Variants in ALDH9A1 observed in about 807,000 individuals in gnomAD.
ALDH9A1 encodes aldehyde dehydrogenase 9 family member A1, also known as 4-trimethylaminobutyraldehyde dehydrogenase.
Under a neutral mutation model 56.6 loss-of-function variants are expected in ALDH9A1, and 42 were observed. That is an observed-to-expected ratio of 0.74 (90% CI 0.58 to 0.96). The LOEUF is 0.96. Among genes scored for constraint, ALDH9A1 ranks in the 40% least tolerant of loss-of-function variants. The pLI is 0.00. For missense variants in ALDH9A1, 661 were observed against 651.5 expected, an observed-to-expected ratio of 1.01 and a Z score of -0.16; for synonymous variants, 242 against 236.0, an observed-to-expected ratio of 1.03 and a Z score of -0.23.
At chr1:165,683,562 T>G (rs1046238099) in intron 2 of ALDH9A1, among the ~76,000 whole-genome samples, 7 of 152,208 alleles carry the variant, frequency 4.6e-5, no homozygotes, top group African/African-American at 1.4e-4. Flanking sequence ...ATATGTATGT[T>G]TGCTCATATA....
intron 2 of ALDH9A1, among the ~76,000 whole-genome samples, chr1:165,690,990 T>C (rs1649870249): frequency 6.6e-6 from 1 of 152,202 alleles, no homozygotes; most frequent in Admixed American, 6.5e-5. Flanking sequence ...CGTCCCTGTC[T>C]GACAGCTTTG....
In ALDH9A1 at chr1:165,687,986, C is replaced by CA. The variant is rs916167778; in HGVS notation, c.328-4877dup. ...CTGGGTGAGAGAGAGAGACTCCTCT[C>CA]AAAAAAAAAAGAGAAAGAAAAGAAA... On this transcript the variant is annotated intron_variant, in intron 2 of 10. Transcript: ENST00000354775. Among the ~76,000 whole-genome samples, 33 of 136,926 alleles carry CA rather than the reference C, an allele frequency of 2.4e-4. No homozygotes were observed. The South Asian group carries it at 2.9e-3, about 12-fold the overall frequency. 89.8% of individuals were successfully genotyped at this position (136,926 alleles called of 152,430 possible).
intron 6 of ALDH9A1, among the ~76,000 whole-genome samples, chr1:165,670,362 G>A (rs376755798): frequency 1.3e-5 from 2 of 151,978 alleles, no homozygotes; most frequent in Admixed American, 6.6e-5. Flanking sequence ...GAGCCTAAGA[G>A]GTCAAGGATA....
At chr1:165,678,030 G>A (rs968250079) in intron 6 of ALDH9A1, among the ~76,000 whole-genome samples, 9 of 151,494 alleles carry the variant, frequency 5.9e-5, no homozygotes, top group Non-Finnish European at 8.8e-5. Context: ...GTGAGACTCC[G>A]TCTCAATAAA....
intron 2 of ALDH9A1, among the ~76,000 whole-genome samples, chr1:165,686,448 T>C (rs569420738): frequency 6.6e-6 from 1 of 151,402 alleles, no homozygotes; most frequent in East Asian, 2.0e-4. Context: ...GATTCCCCTT[T>C]GAGTACCAGT....
At chr1:165,681,717 G>A (rs3845537) in intron 4 of ALDH9A1, among the ~76,000 whole-genome samples, 102,645 of 152,056 alleles carry the variant, frequency 0.68, 35,048 homozygotes, top group East Asian at 0.98. Flanking sequence ...AATGAAGAAA[G>A]GAGTTTATCT....
At chr1:165,670,303 C>T (rs1239452675) in intron 6 of ALDH9A1, among the ~76,000 whole-genome samples, 3 of 152,004 alleles carry the variant, frequency 2.0e-5, no homozygotes, top group Non-Finnish European at 2.9e-5. Context: ...TGTGGTGACA[C>T]GCACCTGTAG....
At chr1:165,690,004 A>G (rs899387577) in intron 2 of ALDH9A1, among the ~76,000 whole-genome samples, 1 of 138,962 alleles carries the variant, frequency 7.2e-6, no homozygotes, top group African/African-American at 2.7e-5. Flanking sequence ...ATTTTGCTGT[A>G]ATAAACCATC....
chr1:165,687,363 A>G (rs10918242), intron 2 of ALDH9A1, among the ~76,000 whole-genome samples: 56,547 of 151,684 alleles, frequency 0.37, 10,712 homozygotes, highest in East Asian at 0.59. Context: ...AGATCCAAGA[A>G]GATCAATAAA....
chr1:165,666,087 T>C (rs920052915), intron 9 of ALDH9A1, among the ~76,000 whole-genome samples: 1 of 152,166 alleles, frequency 6.6e-6, no homozygotes, highest in South Asian at 2.1e-4. Flanking sequence ...AAAGTACTGA[T>C]AAATGCCACA....
At position 165,667,373 on chromosome 1, in the gene ALDH9A1, C is replaced by T. The variant is rs751954104; in HGVS notation, c.1285G>A (p.Glu429Lys). ...TTGGCTCTTTCTAGAACCTCAGCTT[C>T]AGTGTCAAATGATAAAATGGACATA... Reference protein sequence around the residue: ...PVMSILSFDTEAEVLERANDT... With the variant: ...PVMSILSFDTKAEVLERANDT... Residue 429 changes from glutamate to lysine, a missense_variant, in exon 9 of 11, where the codon GAA becomes AAA. By Grantham distance (56) the Glu-to-Lys change is moderately conservative. Coordinates refer to ENST00000354775, the MANE Select transcript of ALDH9A1 (RefSeq NM_000696.4). The T allele has an allele frequency of 6.2e-6, 10 of 1,614,016 alleles. No homozygotes were observed. The highest frequency in any genetic ancestry group is 8.5e-6 in the Non-Finnish European group (10 of 1,180,006).
intron 6 of ALDH9A1, among the ~76,000 whole-genome samples, chr1:165,670,398 C>A (rs552567901): frequency 4.0e-5 from 6 of 151,602 alleles, no homozygotes; most frequent in Non-Finnish European, 7.4e-5. Flanking sequence ...GACTGCGTCA[C>A]TGCACTCCAG....
chr1:165,678,215 T>A (rs1403027903), intron 6 of ALDH9A1, among the ~76,000 whole-genome samples: 1 of 150,978 alleles, frequency 6.6e-6, no homozygotes, highest in Non-Finnish European at 1.5e-5. Flanking sequence ...GCACCTGTAA[T>A]CCCAGCTACT....
At chr1:165,673,014 C>CACACACACA (rs57524117) in intron 6 of ALDH9A1, among the ~76,000 whole-genome samples, 1 of 134,506 alleles carries the variant, frequency 7.4e-6, no homozygotes, top group Non-Finnish European at 1.6e-5. Flanking sequence ...CACACACACA[C>CACACACACA]GGTTAAATTG....
chr1:165,692,888 C>T (rs1157679955), intron 2 of ALDH9A1, among the ~76,000 whole-genome samples: 2 of 152,060 alleles, frequency 1.3e-5, no homozygotes, highest in Non-Finnish European at 2.9e-5. Context: ...TGGAACAGAA[C>T]GGAGCCCTCA....
At chr1:165,667,256 G>C in intron 9 of ALDH9A1, 53 bp downstream of exon 9, 1 of 1,606,038 alleles carries the variant, frequency 6.2e-7, no homozygotes. Flanking sequence ...TATCTAAGCA[G>C]ATACTGCAGC....
chr1:165,672,313 ATAT>A (rs1255890678), intron 6 of ALDH9A1, among the ~76,000 whole-genome samples: 3 of 152,172 alleles, frequency 2.0e-5, no homozygotes, highest in African/African-American at 7.2e-5. Context: ...ATACAATGGA[ATAT>A]TATTTAGCCT....
intron 6 of ALDH9A1, 82 bp downstream of exon 6, chr1:165,679,360 G>C: frequency 6.7e-7 from 1 of 1,499,756 alleles, no homozygotes; most frequent in Non-Finnish European, 9.1e-7. Context: ...TGAAAGTATT[G>C]TAAAACAAAA....
rs1241505091 is a variant in ALDH9A1, at chr1:165,689,286, T to C, written c.327+5966A>G. Among the ~76,000 whole-genome samples, 4 of 152,330 alleles carry C rather than the reference T, an allele frequency of 2.6e-5. No individual in the cohort carries two copies. In the East Asian group the frequency reaches 7.7e-4, roughly 29 times the overall value. On this transcript the variant is annotated intron_variant, in intron 2 of 10. Transcript: ENST00000354775. ...AAAGGACACTGACGAGTTGATTGAA[T>C]AGCAAAGGCCTTGAAAGGCAGAGAC...
Sources: gnomAD v4.1 joint callset for allele counts (sites outside exome capture counted in the v4.1 genomes callset) on GRCh38, gnomAD v4.1.1 for gene constraint, MANE v1.5 for transcripts, NCBI Gene and HGNC (gene_info 2026-07-23, HGNC 2026-07-21) for gene names.